Variants in SRFBP1 observed in about 807,000 individuals in gnomAD.
SRFBP1 encodes the protein serum response factor binding protein 1.
Under a neutral mutation model 45.5 loss-of-function variants are expected in SRFBP1, and 47 were observed. The ratio of observed to expected loss-of-function variants is 1.03; its 90% CI spans 0.82 to 1.32. SRFBP1 has a LOEUF of 1.32. Among genes scored for constraint, SRFBP1 ranks in the 40% most tolerant of loss-of-function variants. SRFBP1 has a pLI of 0.00. For missense variants in SRFBP1, 621 were observed against 484.6 expected (o/e 1.28, Z -2.64); for synonymous variants, 203 against 166.3 (o/e 1.22, Z -1.70).
intron 5 of SRFBP1, 108 bp from the exon 6 acceptor site, chr5:122,019,980 A>C (rs2112706904): frequency 1.5e-6 from 1 of 671,364 alleles, no homozygotes; most frequent in Non-Finnish European, 2.3e-6. Context: ...TATCAATTCC[A>C]ACTGCCCTCT....
chr5:122,074,301 AAG>A (rs1754550116), intron 2 of SRFBP1: 1 of 706,822 alleles, frequency 1.4e-6, no homozygotes. Context: ...TATCTTCTAA[AAG>A]AGAGATTCAT....
At chr5:122,069,840 A>G (rs1754399390) in intron 2 of SRFBP1, 2 of 547,930 alleles carry the variant, frequency 3.7e-6, no homozygotes, top group Non-Finnish European at 6.9e-6. Flanking sequence ...CCTGAAAACT[A>G]AGCTTCTCCT....
intron 2 of SRFBP1, among the ~76,000 whole-genome samples, chr5:122,042,685 C>A (rs531048053): frequency 6.6e-6 from 1 of 152,044 alleles, no homozygotes; most frequent in South Asian, 2.1e-4. Flanking sequence ...TGTATTTTTT[C>A]TTTGTGTGCT....
At chr5:121,984,726 A>G (rs1183923480) in intron 3 of SRFBP1, among the ~76,000 whole-genome samples, 2 of 151,802 alleles carry the variant, frequency 1.3e-5, no homozygotes, top group African/African-American at 4.8e-5. Flanking sequence ...ATTTAAGATG[A>G]CCATTGCCTT....
chr5:122,076,079 A>T (rs947366201), downstream of SRFBP1: 3 of 152,244 alleles, frequency 2.0e-5, no homozygotes, highest in African/African-American at 7.2e-5. Context: ...TACTGTAAAA[A>T]CATCATAGGG....
chr5:122,062,671 G>C (rs1295640414), intron 2 of SRFBP1, among the ~76,000 whole-genome samples: 1 of 151,960 alleles, frequency 6.6e-6, no homozygotes, highest in Non-Finnish European at 1.5e-5. Flanking sequence ...TGTTTTACCT[G>C]CAAGACTCCT....
At chr5:121,992,317 T>G (rs1419158251) in intron 3 of SRFBP1, among the ~76,000 whole-genome samples, 3 of 151,976 alleles carry the variant, frequency 2.0e-5, no homozygotes, top group Admixed American at 1.3e-4. Flanking sequence ...CAGCATAGCA[T>G]CTTCTCTTCC....
chr5:121,973,934 T>A (rs536795921), intron 1 of SRFBP1, among the ~76,000 whole-genome samples: 1 of 151,948 alleles, frequency 6.6e-6, no homozygotes, highest in East Asian at 1.9e-4. Flanking sequence ...AGTGTAACAT[T>A]AAAATACTTA....
chr5:122,022,418 A>G lies in SRFBP1; in HGVS notation c.1105+11A>G. 6.2e-7 allele frequency: 1 copy of G among 1,606,716 alleles called. No homozygotes were observed. The highest frequency in any genetic ancestry group is 8.5e-7 in the Non-Finnish European group (1 of 1,177,520). ...AAACAAGATCCCTAGGTATGTATTC[A>G]TAGTTGCCTGACCTTCATATGCAAT... On this transcript the variant is annotated intron_variant, in intron 7 of 7. Transcript: ENST00000339397.
In SRFBP1 at chr5:122,027,386, G is replaced by C. The variant is rs140843578; in HGVS notation, c.*260G>C. On this transcript the variant is annotated 3_prime_UTR_variant, in exon 8 of 8. Coordinates refer to ENST00000339397, the MANE Select transcript of SRFBP1 (RefSeq NM_152546.3). The stretch of plus-strand genomic sequence containing the variant: ...CTCGTATTTGAATAAGTCTCTTGGG[G>C]AGAATTATAGAATGTTTGTTTTTGT... 7.1e-4 allele frequency: 168 copies of C among 237,550 alleles called. 2 individuals carry two copies. The highest frequency in any genetic ancestry group is 3.6e-3 in the African/African-American group (162 of 44,684). The allele number at this position is 237,550 out of a possible 1,614,324, so 14.7% of individuals were successfully genotyped here. A position where few individuals can be genotyped will look rare whatever the true frequency, so the allele number is the denominator to read the frequency against.
intron 1 of SRFBP1, 137 bp from the exon 2 acceptor site, chr5:121,974,059 C>T (rs1580499843): frequency 3.5e-6 from 2 of 563,818 alleles, no homozygotes; most frequent in East Asian, 5.9e-5. Context: ...GGTTTGATTT[C>T]ATCAAGCTAC....
chr5:122,013,233 T>G (rs1339637924), intron 4 of SRFBP1, among the ~76,000 whole-genome samples: 1 of 152,154 alleles, frequency 6.6e-6, no homozygotes, highest in Non-Finnish European at 1.5e-5. Flanking sequence ...TAAGTATTCT[T>G]AACTCTAACA....
At chr5:122,036,747 A>C (rs997231327) in intron 2 of SRFBP1, among the ~76,000 whole-genome samples, 2 of 152,112 alleles carry the variant, frequency 1.3e-5, no homozygotes, top group East Asian at 1.9e-4. Context: ...CCCAACTGGG[A>C]GAGGACACCT....
downstream of SRFBP1, among the ~76,000 whole-genome samples, chr5:122,078,636 G>C (rs1464566281): frequency 6.6e-6 from 1 of 152,168 alleles, no homozygotes; most frequent in Non-Finnish European, 1.5e-5. Context: ...GCGGGAAGTC[G>C]GGAGGTTGGG....
intron 4 of SRFBP1, among the ~76,000 whole-genome samples, chr5:122,001,071 G>GT (rs1219715534): frequency 6.6e-6 from 1 of 151,876 alleles, no homozygotes; most frequent in Non-Finnish European, 1.5e-5. Context: ...AAGCTCTTAA[G>GT]TTTTTCTCTT....
chr5:122,002,197 C>T (rs940293749), intron 4 of SRFBP1, among the ~76,000 whole-genome samples: 6 of 152,134 alleles, frequency 3.9e-5, no homozygotes, highest in African/African-American at 1.4e-4. Flanking sequence ...GAAACTAGAG[C>T]TCATGGAGGT....
At chr5:122,002,329 G>A (rs74623430) in intron 4 of SRFBP1, among the ~76,000 whole-genome samples, 4 of 152,052 alleles carry the variant, frequency 2.6e-5, no homozygotes, top group Non-Finnish European at 5.9e-5. Context: ...TCATTCTTCT[G>A]CATAATCTGA....
chr5:122,010,548 A>T (rs184742934), intron 4 of SRFBP1, among the ~76,000 whole-genome samples: 1 of 152,144 alleles, frequency 6.6e-6, no homozygotes, highest in Non-Finnish European at 1.5e-5. Context: ...ATAGCTGCAG[A>T]TACCCCTACT....
exon 3 of SRFBP1, chr5:122,075,336 TG>T (rs1307443735): frequency 1.4e-6 from 2 of 1,382,940 alleles, no homozygotes; most frequent in African/African-American, 2.9e-5. Context: ...GACTTGCATT[TG>T]TGATATCAAA....
Sources: allele counts gnomAD v4.1 joint callset (sites outside exome capture counted in the v4.1 genomes callset), GRCh38; gene constraint gnomAD v4.1.1; transcripts MANE v1.5; gene names NCBI Gene and HGNC (gene_info 2026-07-23, HGNC 2026-07-21).